TENM3: variants seen among roughly 807,000 people sequenced by gnomAD.
TENM3 encodes teneurin-3.
In TENM3, 63 loss-of-function variants were observed where a neutral mutation model predicts 255.1. The ratio of observed to expected loss-of-function variants is 0.25; its 90% confidence interval spans 0.20 to 0.30. TENM3 has a LOEUF of 0.30. Ranked by LOEUF, TENM3 falls within the 10% of genes least tolerant of loss-of-function variation. The pLI is 1.00. For synonymous variants in TENM3, 1,306 were observed against 1,322.3 expected (o/e 0.99, Z 0.27); for missense variants, 2,929 against 3,461.1 (o/e 0.85, Z 3.86).
the TENM3 span, among the ~76,000 whole-genome samples, chr4:181,579,638 A>G: frequency 6.6e-6 from 1 of 152,180 alleles, no homozygotes; most frequent in Non-Finnish European, 1.5e-5. Context: ...ATTATCTCCA[A>G]ATCGTCACAG....
chr4:181,927,008 C>T, the TENM3 span, among the ~76,000 whole-genome samples: 9 of 152,250 alleles, frequency 5.9e-5, no homozygotes, highest in South Asian at 6.2e-4. Flanking sequence ...CCATGGTCTT[C>T]GCAACCCACA....
chr4:182,320,077 C>T (rs187120123), intron 1 of TENM3, among the ~76,000 whole-genome samples: 2 of 151,144 alleles, frequency 1.3e-5, no homozygotes, highest in Admixed American at 1.3e-4. Flanking sequence ...TGCACCAGTG[C>T]AATCCAGCCT....
chr4:182,704,312 A>G (rs1398907716), intron 12 of TENM3, among the ~76,000 whole-genome samples: 2 of 152,194 alleles, frequency 1.3e-5, no homozygotes. Context: ...GCACATCCCA[A>G]CATCAGTGAG....
chr4:181,775,196 T>C, the TENM3 span, among the ~76,000 whole-genome samples: 7 of 152,282 alleles, frequency 4.6e-5, no homozygotes, highest in East Asian at 1.4e-3. Context: ...TACACTCCCA[T>C]CAGGCACAAC....
At chr4:182,072,972 G>A in the TENM3 span, among the ~76,000 whole-genome samples, 7 of 152,208 alleles carry the variant, frequency 4.6e-5, 1 homozygote, top group East Asian at 1.9e-4. Context: ...TGGTGTTCTT[G>A]TAGGTAAAAG....
the TENM3 span, among the ~76,000 whole-genome samples, chr4:181,675,352 A>G: frequency 6.6e-6 from 1 of 152,046 alleles, no homozygotes; most frequent in Non-Finnish European, 1.5e-5. Context: ...ATAAATATGA[A>G]TGTTTTATAT....
At chr4:181,929,603 G>A in the TENM3 span, among the ~76,000 whole-genome samples, 2 of 152,136 alleles carry the variant, frequency 1.3e-5, no homozygotes, top group Admixed American at 1.3e-4. Context: ...ACACCCCACT[G>A]TCAATATTAG....
At chr4:182,381,554 C>T (rs1043143934) in intron 3 of TENM3, among the ~76,000 whole-genome samples, 3 of 148,370 alleles carry the variant, frequency 2.0e-5, no homozygotes, top group East Asian at 2.0e-4. Context: ...CTCCCCTCCC[C>T]TCTTCTCCCC....
chr4:181,700,483 G>A, the TENM3 span, among the ~76,000 whole-genome samples: 3 of 152,060 alleles, frequency 2.0e-5, no homozygotes, highest in Non-Finnish European at 2.9e-5. Context: ...CTTTGGATTT[G>A]GCATGTTTTC....
Position 182,534,039 on chromosome 4 carries a change from G to A in TENM3, c.512-66885G>A, listed in dbSNP as rs1333157641. Reference sequence around the variant, plus strand: ...AGTGATACAAAACTAATATATGACTGGCTTGCTCATTGATTCAGTAGATGC... The same window carrying A: ...AGTGATACAAAACTAATATATGACTAGCTTGCTCATTGATTCAGTAGATGC... On this transcript the variant is annotated intron_variant, in intron 3 of 27. Coordinates refer to ENST00000511685, the MANE Select transcript of TENM3 (RefSeq NM_001080477.4). Among the ~76,000 whole-genome samples, 13 of 152,292 alleles carry A rather than the reference G, an allele frequency of 8.5e-5. No individual in the cohort carries two copies. The East Asian group carries it at 2.3e-3, about 27-fold the overall frequency.
chr4:182,170,229 G>A (rs1752009871), intron 1 of TENM3, among the ~76,000 whole-genome samples: 1 of 152,062 alleles, frequency 6.6e-6, no homozygotes, highest in South Asian at 2.1e-4. Context: ...TGTCGGTAAT[G>A]TCAGATAAGT....
At chr4:182,553,778 A>T (rs1285085643) in intron 3 of TENM3, among the ~76,000 whole-genome samples, 1 of 152,206 alleles carries the variant, frequency 6.6e-6, no homozygotes, top group Non-Finnish European at 1.5e-5. Flanking sequence ...CTAAACCTTC[A>T]AAGAAAATGG....
chr4:182,155,981 A>G (rs998918952), intron 1 of TENM3, among the ~76,000 whole-genome samples: 6 of 149,232 alleles, frequency 4.0e-5, no homozygotes, highest in African/African-American at 1.2e-4. Flanking sequence ...ATCAGATTCT[A>G]ATCTTTGCTG....
intron 5 of TENM3, among the ~76,000 whole-genome samples, chr4:182,643,096 C>G (rs530095905): frequency 1.3e-5 from 2 of 152,104 alleles, no homozygotes; most frequent in Non-Finnish European, 2.9e-5. Context: ...TCTTCACATG[C>G]GATACTTTCA....
Position 182,680,609 on chromosome 4 carries a change from G to T in TENM3, c.1706G>T (p.Gly569Val). 6.2e-7 allele frequency: 1 copy of T among 1,613,848 alleles called. No homozygotes were observed. Among genetic ancestry groups the T allele is most frequent in the Non-Finnish European group, 8.5e-7 (1 of 1,179,858 alleles). ...YSKGRCLCFS[G>V]WKGTECDVPT... ...AAGGGCCGCTGCCTGTGTTTCAGCG[G>T]CTGGAAGGGCACCGAGTGTGATGTG... The change falls in exon 10 of 28, where the codon GGC (glycine) becomes GTC (valine). Residue 569 changes from glycine (G) to valine (V), a missense_variant. Coordinates refer to ENST00000511685, the MANE Select transcript of TENM3 (RefSeq NM_001080477.4).
intron 6 of TENM3, among the ~76,000 whole-genome samples, chr4:182,659,556 C>T (rs563371358): frequency 3.3e-5 from 5 of 152,250 alleles, no homozygotes; most frequent in South Asian, 4.1e-4. Flanking sequence ...ATGGCACCGT[C>T]GTTCACTTCA....
chr4:181,839,729 T>C, the TENM3 span, among the ~76,000 whole-genome samples: 1 of 151,670 alleles, frequency 6.6e-6, no homozygotes, highest in Non-Finnish European at 1.5e-5. Context: ...CTTTGGTCTG[T>C]TGTTTCTGAT....
chr4:182,715,237 C>G (rs573681183), intron 13 of TENM3, among the ~76,000 whole-genome samples: 1 of 152,296 alleles, frequency 6.6e-6, no homozygotes, highest in Non-Finnish European at 1.5e-5. Context: ...GGCTGTAGTT[C>G]CTATCCGGGC....
intron 22 of TENM3, among the ~76,000 whole-genome samples, chr4:182,767,797 TGAGGAAGACCC>T (rs1327225253): frequency 7.2e-5 from 11 of 152,206 alleles, no homozygotes; most frequent in African/African-American, 2.2e-4. Flanking sequence ...GGGATGGCCC[TGAGGAAGACCC>T]GAGGAAGGCC....
Sources: allele counts gnomAD v4.1 joint callset (sites outside exome capture counted in the v4.1 genomes callset), GRCh38; gene constraint gnomAD v4.1.1; transcripts MANE v1.5; gene names NCBI Gene and HGNC (gene_info 2026-07-23, HGNC 2026-07-21).